The following SYNE1 variants were observed in gnomAD, a reference collection of about 807,000 sequenced individuals.
SYNE1 encodes nesprin-1.
SYNE1 carries 616 observed loss-of-function variants against 1,111.0 expected under a neutral mutation model. The ratio of observed to expected loss-of-function variants is 0.55; its 90% CI spans 0.52 to 0.59. The LOEUF is 0.59. SYNE1 is among the 20% of genes least tolerant of loss of function. The pLI, the probability that SYNE1 is intolerant of heterozygous loss-of-function variation, is 0.00. For synonymous variants in SYNE1, 3,855 were observed against 3,825.8 expected (o/e 1.01, Z -0.28); for missense variants, 10,006 against 10,417.0 (o/e 0.96, Z 1.72).
intron 125 of SYNE1, among the ~76,000 whole-genome samples, chr6:152,206,728 T>C (rs998202390): frequency 6.6e-6 from 1 of 152,144 alleles, no homozygotes; most frequent in Non-Finnish European, 1.5e-5. Flanking sequence ...AAGAAGGACC[T>C]GGTGCGGTGA....
At chr6:152,614,356 T>C (rs929991361) in intron 3 of SYNE1, among the ~76,000 whole-genome samples, 2 of 152,130 alleles carry the variant, frequency 1.3e-5, no homozygotes, top group Admixed American at 6.6e-5. Flanking sequence ...AGAAGACATT[T>C]ATGCAGCCAA....
In SYNE1 at chr6:152,353,805, T is replaced by C; in HGVS notation, c.10927-61A>G. On this transcript the variant is annotated intron_variant, in intron 67 of 145. Transcript: ENST00000367255. ...CTTAGCCATTCGAATAAGCCAAATGTATATCTTCTTATAGGAAATGGTTTC... is the reference window on the plus strand; with the variant it reads ...CTTAGCCATTCGAATAAGCCAAATGCATATCTTCTTATAGGAAATGGTTTC... The C allele has an allele frequency of 9.4e-6, 15 of 1,594,520 alleles. No homozygotes were observed. In the South Asian group the frequency reaches 1.7e-4, roughly 18 times the overall value.
At chr6:152,303,714 T>C (rs1048997627) in intron 91 of SYNE1, among the ~76,000 whole-genome samples, 3 of 152,228 alleles carry the variant, frequency 2.0e-5, no homozygotes, top group African/African-American at 7.2e-5. Flanking sequence ...ACAATGTAGA[T>C]GCTATGCATT....
intron 3 of SYNE1, among the ~76,000 whole-genome samples, chr6:152,605,728 T>C (rs1565148201): frequency 6.6e-6 from 1 of 152,186 alleles, no homozygotes; most frequent in East Asian, 1.9e-4. Flanking sequence ...AGAAAGGCTC[T>C]TTTTATAGAA....
chr6:152,224,241 A>T (rs2080930894), intron 117 of SYNE1, among the ~76,000 whole-genome samples: 1 of 152,198 alleles, frequency 6.6e-6, no homozygotes, highest in Non-Finnish European at 1.5e-5. Context: ...TGTATAAAAG[A>T]CGATGTGAAT....
intron 3 of SYNE1, among the ~76,000 whole-genome samples, chr6:152,594,710 T>G (rs544508273): frequency 1.3e-5 from 2 of 152,290 alleles, no homozygotes; most frequent in East Asian, 3.9e-4. Context: ...TTCCCAACTC[T>G]CTTGTACAAA....
At chr6:152,422,497 C>CTTTTTT (rs147582479) in intron 39 of SYNE1, among the ~76,000 whole-genome samples, 2 of 151,012 alleles carry the variant, frequency 1.3e-5, no homozygotes, top group Non-Finnish European at 3.0e-5. Context: ...ATGAAATAGC[C>CTTTTTT]TTTTTTTTTC....
chr6:152,418,532 C>A (rs2098201638), intron 40 of SYNE1, among the ~76,000 whole-genome samples: 1 of 152,170 alleles, frequency 6.6e-6, no homozygotes, highest in Non-Finnish European at 1.5e-5. Flanking sequence ...TATTTCAATG[C>A]TTTATGATCA....
intron 125 of SYNE1, among the ~76,000 whole-genome samples, chr6:152,207,416 C>T (rs17082326): frequency 1.3e-5 from 2 of 151,988 alleles, no homozygotes; most frequent in African/African-American, 2.4e-5. Context: ...GTCATGTCTG[C>T]GAATGAGGGC....
In SYNE1 at chr6:152,122,593, C is replaced by T. The variant is rs757466963; in HGVS notation, c.26237G>A (p.Arg8746Gln). The change falls in exon 146 of 146, where the codon CGA becomes CAA. Residue 8746 changes from arginine to glutamine, a missense_variant. By Grantham distance (43) the Arg-to-Gln change is conservative (BLOSUM62 1). Coordinates refer to ENST00000367255, the MANE Select transcript of SYNE1 (RefSeq NM_182961.4). ...SGRGFLFRVL[R>Q]AALPLQLLLL... is the part of the protein sequence containing the mutation. ...GAGAAGCTGAAGGGGAAGAGCTGCT[C>T]GGAGGACTCTGAACAGGAAGCCGCG... The T allele has an allele frequency of 8.7e-6, 14 of 1,614,060 alleles. No individual in the cohort carries two copies. The Middle Eastern group carries it at 4.9e-4, about 57-fold the overall frequency.
chr6:152,451,008 C>G, intron 26 of SYNE1, 39 bp downstream of exon 26: 1 of 1,613,380 alleles, frequency 6.2e-7, no homozygotes, highest in African/African-American at 1.3e-5. Flanking sequence ...AACAATGTGA[C>G]TTGACACGGC....
intron 3 of SYNE1, among the ~76,000 whole-genome samples, chr6:152,597,665 T>C (rs1174830175): frequency 6.6e-6 from 1 of 152,164 alleles, no homozygotes; most frequent in African/African-American, 2.4e-5. Flanking sequence ...TATTATACAA[T>C]TATAGACTGC....
chr6:152,470,950 A>G (rs2098802197), intron 16 of SYNE1, among the ~76,000 whole-genome samples: 1 of 152,206 alleles, frequency 6.6e-6, no homozygotes, highest in Non-Finnish European at 1.5e-5. Context: ...GAAAACTGCT[A>G]GTTACAGAGC....
chr6:152,547,049 A>C (rs2099317144), intron 3 of SYNE1: 1 of 152,242 alleles, frequency 6.6e-6, no homozygotes, highest in South Asian at 2.1e-4. Flanking sequence ...TACATGAGTG[A>C]GCCGCCCTGG....
chr6:152,491,435 T>C (rs983843300), intron 11 of SYNE1, among the ~76,000 whole-genome samples: 19 of 152,114 alleles, frequency 1.2e-4, no homozygotes, highest in Non-Finnish European at 2.5e-4. Context: ...TCCTTCACTA[T>C]GGGCAAGCTT....
intron 91 of SYNE1, 178 bp from the exon 92 acceptor site, chr6:152,302,241 G>T: frequency 1.2e-6 from 1 of 808,172 alleles, no homozygotes; most frequent in Non-Finnish European, 2.0e-6. Context: ...ACCGCAGGCT[G>T]CGCGGCGCGG....
intron 45 of SYNE1, among the ~76,000 whole-genome samples, chr6:152,406,714 A>C (rs574425561): frequency 2.0e-5 from 3 of 151,926 alleles, no homozygotes; most frequent in Non-Finnish European, 4.4e-5. Flanking sequence ...CTAAAAATAC[A>C]AAAATTAGCC....
intron 9 of SYNE1, among the ~76,000 whole-genome samples, chr6:152,503,881 C>T (rs1009342078): frequency 5.9e-5 from 9 of 152,032 alleles, no homozygotes; most frequent in Non-Finnish European, 1.0e-4. Flanking sequence ...ATATGTAAAT[C>T]ATAAAATAAT....
At chr6:152,200,757 T>C (rs1010454612) in intron 127 of SYNE1, among the ~76,000 whole-genome samples, 1 of 152,194 alleles carries the variant, frequency 6.6e-6, no homozygotes, top group South Asian at 2.1e-4. Flanking sequence ...TTTGTAACCA[T>C]TGCATACTTC....
Sources: gnomAD v4.1 joint callset for allele counts (sites outside exome capture counted in the v4.1 genomes callset) on GRCh38, gnomAD v4.1.1 for gene constraint, MANE v1.5 for transcripts, NCBI Gene and HGNC (gene_info 2026-07-23, HGNC 2026-07-21) for gene names.